The following WWOX variants were observed in gnomAD, a reference collection of about 807,000 sequenced individuals.
WWOX encodes WW domain containing oxidoreductase, also known as WW domain-containing oxidoreductase.
In WWOX, 69 loss-of-function variants were observed where a neutral mutation model predicts 46.2. The observed-to-expected ratio is 1.49, with a 90% confidence interval of 1.23 to 1.82. WWOX has a LOEUF of 1.82. Among genes scored for constraint, WWOX ranks in the 40% most tolerant of loss-of-function variants. The probability of loss-of-function intolerance (pLI) is 0.00; values close to 1 mark genes in which losing one functional copy is unlikely to be tolerated. For missense variants in WWOX, 919 were observed against 542.6 expected (o/e 1.69, Z -6.89); for synonymous variants, 359 against 202.6 (o/e 1.77, Z -6.56).
intron 8 of WWOX, among the ~76,000 whole-genome samples, chr16:78,847,416 A>C (rs990514371): frequency 6.6e-6 from 1 of 152,166 alleles, no homozygotes; most frequent in Admixed American, 6.5e-5. Flanking sequence ...TCTATTATAA[A>C]TTATATATAT....
intron 8 of WWOX, among the ~76,000 whole-genome samples, chr16:78,780,908 G>T (rs2050308733): frequency 6.6e-6 from 1 of 152,178 alleles, no homozygotes; most frequent in Non-Finnish European, 1.5e-5. Context: ...GGCTGCCTTG[G>T]GGAGCATGGG....
intron 8 of WWOX, among the ~76,000 whole-genome samples, chr16:79,185,320 C>T (rs1161207169): frequency 6.6e-6 from 1 of 152,152 alleles, no homozygotes; most frequent in Non-Finnish European, 1.5e-5. Flanking sequence ...AATTTCAACC[C>T]ATCCTCCGCT....
Position 78,963,393 on chromosome 16 carries a change from C to T in WWOX, c.1057-248215C>T, listed in dbSNP as rs949542576. Among the ~76,000 whole-genome samples the T allele has an allele frequency of 2.6e-5, 4 of 152,142 alleles. No homozygotes were observed. The East Asian group carries it at 7.7e-4, about 29-fold the overall frequency. On this transcript the variant is annotated intron_variant, in intron 8 of 8. Coordinates refer to ENST00000566780, the MANE Select transcript of WWOX (RefSeq NM_016373.4). The stretch of plus-strand genomic sequence containing the variant: ...CTGAGGCAGGAGAATTGCTGGAGTA[C>T]AGGAGATTGAAGCTGCAGTGAACTG...
At chr16:78,376,894 C>T (rs149088651) in intron 5 of WWOX, among the ~76,000 whole-genome samples, 118 of 152,332 alleles carry the variant, frequency 7.7e-4, no homozygotes, top group African/African-American at 2.7e-3. Flanking sequence ...TTCCCAAGTC[C>T]ACCGTGTGGA....
chr16:78,952,083 C>T (rs918881378), intron 8 of WWOX, among the ~76,000 whole-genome samples: 1 of 152,126 alleles, frequency 6.6e-6, no homozygotes. Flanking sequence ...AATCCCTCGA[C>T]CCAGTGACCT....
chr16:78,485,402 T>C (rs1323198328), intron 8 of WWOX, among the ~76,000 whole-genome samples: 1 of 152,174 alleles, frequency 6.6e-6, no homozygotes, highest in Non-Finnish European at 1.5e-5. Context: ...TCTTTTGAGG[T>C]TGAAGATATT....
chr16:78,583,670 C>A (rs1360593181), intron 8 of WWOX, among the ~76,000 whole-genome samples: 1 of 152,172 alleles, frequency 6.6e-6, no homozygotes, highest in African/African-American at 2.4e-5. Flanking sequence ...AGCCATCAGG[C>A]AGCGGGTTGG....
chr16:79,039,510 A>G (rs1324076905), intron 8 of WWOX, among the ~76,000 whole-genome samples: 1 of 152,152 alleles, frequency 6.6e-6, no homozygotes, highest in Non-Finnish European at 1.5e-5. Flanking sequence ...GATTAGAAAC[A>G]GTTGGGTCCC....
chr16:78,317,683 T>C (rs1324143494), intron 5 of WWOX, among the ~76,000 whole-genome samples: 2 of 152,132 alleles, frequency 1.3e-5, no homozygotes, highest in Admixed American at 6.5e-5. Flanking sequence ...CTGCTCTCTG[T>C]TGACTCTGTC....
At chr16:78,536,263 G>C (rs2043756955) in intron 8 of WWOX, among the ~76,000 whole-genome samples, 1 of 152,032 alleles carries the variant, frequency 6.6e-6, no homozygotes, top group African/African-American at 2.4e-5. Context: ...ATGTCATGTA[G>C]ATTTTAACCA....
intron 5 of WWOX, among the ~76,000 whole-genome samples, chr16:78,360,219 T>G (rs1203228401): frequency 6.6e-6 from 1 of 152,230 alleles, no homozygotes; most frequent in Non-Finnish European, 1.5e-5. Context: ...GACATCCACC[T>G]GCTCTAAGGG....
At chr16:78,740,659 A>C (rs2049198760) in intron 8 of WWOX, among the ~76,000 whole-genome samples, 3 of 152,090 alleles carry the variant, frequency 2.0e-5, no homozygotes, top group Admixed American at 6.6e-5. Context: ...ATTTGGCAAA[A>C]AGGTTAATGT....
chr16:78,403,644 A>C (rs919030260), intron 6 of WWOX, among the ~76,000 whole-genome samples: 2 of 152,218 alleles, frequency 1.3e-5, no homozygotes, highest in East Asian at 1.9e-4. Flanking sequence ...ACTATTGACA[A>C]ATACCAGTCA....
chr16:79,047,615 G>A (rs1567513081), intron 8 of WWOX, among the ~76,000 whole-genome samples: 1 of 148,354 alleles, frequency 6.7e-6, no homozygotes. Context: ...AACACAAATC[G>A]ATTCCCTTAC....
rs58409419 is a variant in WWOX at position 78,123,455 on chromosome 16, G to GTTTTTTTT, written c.409+8306_409+8313dup. The GTTTTTTTT allele has an allele frequency of 1.9e-3, 122 of 65,516 alleles. 1 individual carries two copies. The highest frequency in any genetic ancestry group is 2.5e-3 in the Non-Finnish European group (87 of 35,390). 4.1% of individuals were successfully genotyped at this position (65,516 alleles called of 1,614,324 possible). A position where few individuals can be genotyped will look rare whatever the true frequency, so the allele number is the denominator to read the frequency against. On this transcript the variant is annotated intron_variant, in intron 4 of 8. Transcript: ENST00000566780. ...TTTTTGTTTTGTTTTTTTTTTTTTTGTTTTTTTTTTTTGTTTTTTTGAGAT... is the reference window on the plus strand; with the variant it reads ...TTTTTGTTTTGTTTTTTTTTTTTTTGTTTTTTTTTTTTTTTTTTTTGTTTTTTTGAGAT...
At chr16:78,453,198 A>T (rs1233890511) in intron 8 of WWOX, among the ~76,000 whole-genome samples, 3 of 152,040 alleles carry the variant, frequency 2.0e-5, no homozygotes, top group Non-Finnish European at 4.4e-5. Context: ...CTGAGGTGGG[A>T]GGATTACCTA....
intron 8 of WWOX, among the ~76,000 whole-genome samples, chr16:78,751,156 G>C (rs1163925008): frequency 6.6e-6 from 1 of 151,956 alleles, no homozygotes; most frequent in African/African-American, 2.4e-5. Context: ...AAAAGAATTT[G>C]ACTCAAAAGG....
chr16:78,902,504 C>G (rs910811016), intron 8 of WWOX, among the ~76,000 whole-genome samples: 1 of 152,224 alleles, frequency 6.6e-6, no homozygotes, highest in South Asian at 2.1e-4. Context: ...TGTCAGGCAT[C>G]TTGTTAGACT....
At chr16:78,753,721 G>C (rs568101637) in intron 8 of WWOX, among the ~76,000 whole-genome samples, 194 of 148,032 alleles carry the variant, frequency 1.3e-3, no homozygotes, top group African/African-American at 4.5e-3. Flanking sequence ...AGGATTGCTT[G>C]AGCCTGGGAA....
Sources: gnomAD v4.1 joint callset for allele counts (sites outside exome capture counted in the v4.1 genomes callset) on GRCh38, gnomAD v4.1.1 for gene constraint, MANE v1.5 for transcripts, NCBI Gene and HGNC (gene_info 2026-07-23, HGNC 2026-07-21) for gene names.